NBAS: variants seen among roughly 807,000 people sequenced by gnomAD.
NBAS encodes the protein NBAS subunit of NRZ tethering complex.
Under a neutral mutation model 302.5 loss-of-function variants are expected in NBAS, and 219 were observed. That is an observed-to-expected ratio of 0.72 (90% CI 0.65 to 0.81). The LOEUF is 0.81. Among genes scored for constraint, NBAS ranks in the 30% least tolerant of loss-of-function variants. The probability of loss-of-function intolerance (pLI) is 0.00; values close to 1 mark genes in which losing one functional copy is unlikely to be tolerated. For synonymous variants in NBAS, 1,118 were observed against 1,021.6 expected (o/e 1.09, Z -1.80); for missense variants, 2,932 against 2,841.6 (o/e 1.03, Z -0.72).
At chr2:15,170,489 G>T (rs375868881) in intron 51 of NBAS, among the ~76,000 whole-genome samples, 1 of 152,202 alleles carries the variant, frequency 6.6e-6, no homozygotes, top group African/African-American at 2.4e-5. Context: ...AACGATAAAG[G>T]TCTGCGTTTG....
At chr2:15,188,269 T>C (rs572143116) in intron 49 of NBAS, among the ~76,000 whole-genome samples, 5 of 152,228 alleles carry the variant, frequency 3.3e-5, no homozygotes, top group South Asian at 2.1e-4. Context: ...TAGTAAATTA[T>C]AGTCATGTGG....
At chr2:15,329,281 C>G (rs536416507) in intron 36 of NBAS, among the ~76,000 whole-genome samples, 6 of 152,142 alleles carry the variant, frequency 3.9e-5, no homozygotes, top group African/African-American at 1.4e-4. Flanking sequence ...TCTCACTAAA[C>G]GGCATCTTCA....
chr2:14,832,329 T>C, the NBAS span, among the ~76,000 whole-genome samples: 2 of 152,190 alleles, frequency 1.3e-5, no homozygotes, highest in African/African-American at 4.8e-5. Flanking sequence ...TGTTTGTTTT[T>C]ATGTTTGTTC....
chr2:14,821,507 C>T, the NBAS span, among the ~76,000 whole-genome samples: 1 of 152,164 alleles, frequency 6.6e-6, no homozygotes, highest in South Asian at 2.1e-4. Context: ...TTGCCTCCTT[C>T]CAGCCCTGAA....
At chr2:15,336,410 T>C (rs1276255674) in intron 35 of NBAS, among the ~76,000 whole-genome samples, 1 of 152,200 alleles carries the variant, frequency 6.6e-6, no homozygotes, top group African/African-American at 2.4e-5. Context: ...TTTACTGTGC[T>C]GATTAAATGT....
At chr2:14,856,437 G>A in the NBAS span, among the ~76,000 whole-genome samples, 150 of 152,144 alleles carry the variant, frequency 9.9e-4, 3 homozygotes, top group East Asian at 0.025. Flanking sequence ...ACAAAACACT[G>A]TACCAAATGA....
chr2:15,129,237 A>G, the NBAS span, among the ~76,000 whole-genome samples: 2 of 152,224 alleles, frequency 1.3e-5, no homozygotes, highest in Non-Finnish European at 2.9e-5. Context: ...TACCTCCTTT[A>G]AACTCCCCTG....
the NBAS span, among the ~76,000 whole-genome samples, chr2:14,967,169 CAT>C: frequency 2.0e-5 from 3 of 152,008 alleles, no homozygotes; most frequent in African/African-American, 7.2e-5. Flanking sequence ...AATGGAGAAA[CAT>C]ATTGTGTGTA....
At chr2:14,994,677 T>G in the NBAS span, among the ~76,000 whole-genome samples, 1 of 152,210 alleles carries the variant, frequency 6.6e-6, no homozygotes, top group East Asian at 1.9e-4. Context: ...CCTGTAGCCC[T>G]GGGGCTGATT....
At chr2:15,516,987 G>A (rs956165381) in intron 9 of NBAS, among the ~76,000 whole-genome samples, 11 of 152,034 alleles carry the variant, frequency 7.2e-5, no homozygotes, top group Non-Finnish European at 1.2e-4. Flanking sequence ...GCAAATTGAA[G>A]CAATCATTTT....
chr2:15,106,884 G>T, the NBAS span, among the ~76,000 whole-genome samples: 1 of 152,026 alleles, frequency 6.6e-6, no homozygotes, highest in Admixed American at 6.6e-5. Context: ...TTTCAATGGA[G>T]AACTTTGAGA....
intron 23 of NBAS, among the ~76,000 whole-genome samples, chr2:15,420,737 G>A (rs1261002007): frequency 1.3e-5 from 2 of 152,154 alleles, no homozygotes; most frequent in East Asian, 3.9e-4. Context: ...CAAATGGAAT[G>A]GAGTTCTCAA....
the NBAS span, among the ~76,000 whole-genome samples, chr2:14,800,340 A>G: frequency 3.3e-5 from 5 of 152,236 alleles, no homozygotes; most frequent in Admixed American, 3.3e-4. Flanking sequence ...TATAAGGTGA[A>G]CAAGCTCTCT....
chr2:15,467,895 T>C, intron 17 of NBAS, 91 bp from the exon 18 acceptor site: 1 of 1,099,602 alleles, frequency 9.1e-7, no homozygotes, highest in Non-Finnish European at 1.3e-6. Flanking sequence ...ATTTCATTAT[T>C]GATTTCCACA....
chr2:14,886,110 T>C, the NBAS span, among the ~76,000 whole-genome samples: 2 of 152,102 alleles, frequency 1.3e-5, no homozygotes, highest in Non-Finnish European at 2.9e-5. Context: ...TTTGCTAATA[T>C]CACACGCTTG....
At chr2:15,305,234 C>T (rs1670974869) in intron 40 of NBAS, among the ~76,000 whole-genome samples, 1 of 151,986 alleles carries the variant, frequency 6.6e-6, no homozygotes, top group Non-Finnish European at 1.5e-5. Flanking sequence ...GGGTGGTTTC[C>T]CCCAAGCTGT....
chr2:15,336,731 GA>G (rs562071247), intron 35 of NBAS, among the ~76,000 whole-genome samples: 31 of 143,888 alleles, frequency 2.2e-4, no homozygotes, highest in African/African-American at 2.5e-4. Context: ...CTCCATATAG[GA>G]AAAAAAAAAA....
At chr2:14,804,405 A>G in the NBAS span, among the ~76,000 whole-genome samples, 15 of 152,342 alleles carry the variant, frequency 9.8e-5, no homozygotes, top group African/African-American at 3.1e-4. Flanking sequence ...CATGTGCTAG[A>G]TAAGTTTCCT....
intron 9 of NBAS, among the ~76,000 whole-genome samples, chr2:15,526,756 G>A (rs1321645104): frequency 2.0e-5 from 3 of 151,742 alleles, no homozygotes; most frequent in Non-Finnish European, 4.4e-5. Context: ...CTCCTTCTGT[G>A]GTTTGATAAT....
Sources: gnomAD v4.1 joint callset for allele counts (sites outside exome capture counted in the v4.1 genomes callset) on GRCh38, gnomAD v4.1.1 for gene constraint, MANE v1.5 for transcripts, NCBI Gene and HGNC (gene_info 2026-07-23, HGNC 2026-07-21) for gene names.